ATP6AP2: variants seen among roughly 807,000 people sequenced by gnomAD.
ATP6AP2 encodes the protein ATPase H+ transporting accessory protein 2, also known as renin receptor.
In ATP6AP2, 1 loss-of-function variant was observed where a neutral mutation model predicts 23.4. The observed-to-expected ratio is 0.04, with a 90% CI of 0.02 to 0.20. ATP6AP2 has a LOEUF of 0.20. ATP6AP2 is among the 10% of genes least tolerant of loss of function. The pLI is 1.00. For missense variants in ATP6AP2, 174 were observed against 271.3 expected (o/e 0.64, Z 2.52); for synonymous variants, 90 against 97.1 (o/e 0.93, Z 0.43).
In ATP6AP2 at chrX:40,591,273, C is replaced by G; in HGVS notation, c.208C>G (p.His70Asp). 8.3e-7 allele frequency: 1 copy of G among 1,210,593 alleles called. No individual in the cohort carries two copies. The highest frequency in any genetic ancestry group is 1.1e-6 in the Non-Finnish European group (1 of 895,392). Residue 70 changes from histidine (H) to aspartate (D), a missense_variant, in exon 3 of 9, where the codon CAT (histidine) becomes GAT (aspartate). By Grantham distance (81) the His-to-Asp change is moderately conservative. Coordinates refer to ENST00000636580, the MANE Select transcript of ATP6AP2 (RefSeq NM_005765.3). ...WPGLAVGNLF[H>D]RPRATVMVMV... is the part of the protein sequence containing the mutation. ...AGGACTCGCAGTGGGTAACCTGTTT[C>G]ATCGTCCTCGGGCTACCGTCATGGT... is the stretch of plus-strand genomic sequence containing the variant.
chrX:40,601,392 C>T (rs1196035701), intron 8 of ATP6AP2, among the ~76,000 whole-genome samples: 1 of 111,505 alleles, frequency 9.0e-6, no homozygotes, highest in African/African-American at 3.3e-5. Flanking sequence ...GTCTTTGTGG[C>T]GTAGTCCCTC....
At chrX:40,583,769 A>C (rs1400331718) in intron 1 of ATP6AP2, among the ~76,000 whole-genome samples, 1 of 112,124 alleles carries the variant, frequency 8.9e-6, no homozygotes, top group African/African-American at 3.2e-5. Flanking sequence ...TAAGAAAAAA[A>C]GATGAAATTC....
At chrX:40,594,094 T>A (rs867393027) in intron 3 of ATP6AP2, among the ~76,000 whole-genome samples, 6 of 108,920 alleles carry the variant, frequency 5.5e-5, no homozygotes, top group African/African-American at 1.7e-4. Context: ...ACAAAAAAAA[T>A]ATAAGTATGT....
Position 40,606,009 on chromosome X carries a change from T to C in ATP6AP2, c.*254T>C. 1 of 325,051 alleles carries C rather than the reference T, an allele frequency of 3.1e-6. No individual in the cohort carries two copies. Among genetic ancestry groups the C allele is most frequent in the Non-Finnish European group, 5.4e-6 (1 of 186,794 alleles). The allele number at this position is 325,051 out of a possible 1,213,427, so 26.8% of individuals were successfully genotyped here. A position where few individuals can be genotyped will look rare whatever the true frequency, so the allele number is the denominator to read the frequency against. On this transcript the variant is annotated 3_prime_UTR_variant, in exon 9 of 9. Coordinates refer to ENST00000636580, the MANE Select transcript of ATP6AP2 (RefSeq NM_005765.3). ...AGCCATTTAATAACATTGATTTCAT[T>C]CTGTTTAATGAATTTGGAAATATGC...
chrX:40,593,798 G>C (rs1602400652), intron 3 of ATP6AP2, among the ~76,000 whole-genome samples: 1 of 111,713 alleles, frequency 9.0e-6, no homozygotes, highest in Admixed American at 9.5e-5. Flanking sequence ...TTACAGGTGT[G>C]AGCCACTGCA....
At chrX:40,598,896 C>A in intron 6 of ATP6AP2, 162 bp downstream of exon 6, 1 of 494,650 alleles carries the variant, frequency 2.0e-6, no homozygotes, top group Non-Finnish European at 3.4e-6. Flanking sequence ...TTGAACACAT[C>A]CATGTTATAG....
chrX:40,603,805 A>G (rs756727919), intron 8 of ATP6AP2, among the ~76,000 whole-genome samples: 8 of 111,589 alleles, frequency 7.2e-5, no homozygotes, highest in Non-Finnish European at 1.1e-4. Context: ...CAGTGGCGCA[A>G]TCATAGCTCA....
chrX:40,598,191 C>T (rs1926822054), intron 5 of ATP6AP2: 1 of 160,399 alleles, frequency 6.2e-6, no homozygotes, highest in Admixed American at 7.5e-5. Context: ...CTACTTTTGA[C>T]TCCTGTCCTT....
chrX:40,600,996 AAAAAC>A, intron 8 of ATP6AP2, 115 bp downstream of exon 8: 4 of 798,510 alleles, frequency 5.0e-6, no homozygotes, highest in Non-Finnish European at 7.1e-6. Flanking sequence ...AGTAAATCTG[AAAAAC>A]AATTTCAGTT....
At chrX:40,588,282 A>G (rs1926527273) in intron 1 of ATP6AP2, among the ~76,000 whole-genome samples, 2 of 107,349 alleles carry the variant, frequency 1.9e-5, no homozygotes. Context: ...TGTTTCCTGG[A>G]CTTTGTTTCT....
In ATP6AP2 at chrX:40,593,045, C is replaced by T. The variant is rs754607455; in HGVS notation, c.300+1680C>T. Among the ~76,000 whole-genome samples the T allele has an allele frequency of 8.9e-5, 10 of 111,929 alleles. No individual in the cohort carries two copies. The South Asian group carries it at 2.2e-3, about 25-fold the overall frequency. ...GGTGAATCACTTGAGGCGAGGAGTC[C>T]GAGACCAGCCTGGCCAACATGGCTA... is the stretch of plus-strand genomic sequence containing the variant. On this transcript the variant is annotated intron_variant, in intron 3 of 8. Coordinates refer to ENST00000636580, the MANE Select transcript of ATP6AP2 (RefSeq NM_005765.3).
At chrX:40,597,723 T>C (rs1926809671) in intron 5 of ATP6AP2, 59 bp downstream of exon 5, 9 of 1,114,520 alleles carry the variant, frequency 8.1e-6, no homozygotes, top group African/African-American at 1.8e-5. Flanking sequence ...TTTTAAAAAA[T>C]AGAGACAGGG....
Position 40,599,982 on chromosome X carries a change from T to C in ATP6AP2, c.738+241T>C. 8.1e-6 allele frequency: 3 copies of C among 372,303 alleles called. No individual in the cohort carries two copies. In the South Asian group the frequency reaches 1.1e-4, roughly 13 times the overall value. The allele number at this position is 372,303 out of a possible 1,213,427, so 30.7% of individuals were successfully genotyped here. A position where few individuals can be genotyped will look rare whatever the true frequency, so the allele number is the denominator to read the frequency against. ...CTCACACAAAGCTTTACAAAATTAT[T>C]GTGGTAAAATATATATAACATAAAA... On this transcript the variant is annotated intron_variant, in intron 7 of 8. Transcript: ENST00000636580.
At chrX:40,582,738 GT>G (rs971003941) in intron 1 of ATP6AP2, among the ~76,000 whole-genome samples, 1 of 112,132 alleles carries the variant, frequency 8.9e-6, no homozygotes, top group Non-Finnish European at 1.9e-5. Context: ...TGATCCTGTG[GT>G]TTAACTGAAC....
At chrX:40,598,400 G>T in intron 5 of ATP6AP2, 1 of 353,372 alleles carries the variant, frequency 2.8e-6, no homozygotes, top group East Asian at 5.1e-5. Flanking sequence ...ATGCTTTGAA[G>T]GAAAACCACT....
chrX:40,592,084 T>A (rs1280562555), intron 3 of ATP6AP2: 1 of 113,275 alleles, frequency 8.8e-6, no homozygotes, highest in Non-Finnish European at 1.9e-5. Flanking sequence ...TGCCCTTGGC[T>A]GTTGGACCCA....
chrX:40,598,052 A>T (rs963012475), intron 5 of ATP6AP2: 4 of 208,022 alleles, frequency 1.9e-5, no homozygotes, highest in African/African-American at 5.9e-5. Flanking sequence ...GCCAGAGGTC[A>T]TAGATCTACT....
rs1926861389 is a variant in ATP6AP2, at chrX:40,599,809, T to C, written c.738+68T>C. 3 of 1,162,782 alleles carry C rather than the reference T, an allele frequency of 2.6e-6. No homozygotes were observed. In the East Asian group the frequency reaches 9.0e-5, roughly 35 times the overall value. ...CACTTTTAGCCTCTTAATAGAAAAA[T>C]CTGCTGTTTCAAACACTGTTGATTG... On this transcript the variant is annotated intron_variant, in intron 7 of 8. Coordinates refer to ENST00000636580, the MANE Select transcript of ATP6AP2 (RefSeq NM_005765.3).
At chrX:40,593,101 A>G (rs1926678960) in intron 3 of ATP6AP2, among the ~76,000 whole-genome samples, 1 of 111,069 alleles carries the variant, frequency 9.0e-6, no homozygotes, top group African/African-American at 3.3e-5. Context: ...TACAAAAATT[A>G]GCCAGGCGTG....
Sources: allele counts gnomAD v4.1 joint callset (sites outside exome capture counted in the v4.1 genomes callset), GRCh38; gene constraint gnomAD v4.1.1; transcripts MANE v1.5; gene names NCBI Gene and HGNC (gene_info 2026-07-23, HGNC 2026-07-21).